Variants in WSCD2 observed in about 807,000 individuals in gnomAD.
WSCD2 encodes sialate:O-sulfotransferase 2.
Under a neutral mutation model 55.7 loss-of-function variants are expected in WSCD2, and 28 were observed. That is an observed-to-expected ratio of 0.50 (90% CI 0.37 to 0.69). WSCD2 has a LOEUF of 0.69. Ranked by LOEUF, WSCD2 falls within the 30% of genes least tolerant of loss-of-function variation. The pLI is 0.00. For synonymous variants in WSCD2, 301 were observed against 301.9 expected, an observed-to-expected ratio of 1.00 and a Z score of 0.03; for missense variants, 616 against 762.1, an observed-to-expected ratio of 0.81 and a Z score of 2.26.
rs111313963 is a variant in WSCD2 at position 108,240,575 on chromosome 12, G to A, written c.1345+31G>A. 3.6e-3 allele frequency: 5,477 copies of A among 1,542,632 alleles called. 62 individuals carry two copies. The highest frequency in any genetic ancestry group is 3.6e-3 in the Non-Finnish European group (4,037 of 1,129,462). ...GCTCGGGAGAGGAGGGGAGGGGAGG[G>A]GAGGGGCTTCGGGCTGCAGGGGGCG... On this transcript the variant is annotated intron_variant, in intron 8 of 8. Transcript: ENST00000547525.
At chr12:108,212,040 G>A (rs913889097) in intron 4 of WSCD2, among the ~76,000 whole-genome samples, 1 of 152,024 alleles carries the variant, frequency 6.6e-6, no homozygotes, top group Non-Finnish European at 1.5e-5. Context: ...TTGCAAACTG[G>A]CTGGTTTTTC....
chr12:108,182,925 T>C (rs1269734355), intron 1 of WSCD2, among the ~76,000 whole-genome samples: 1 of 152,000 alleles, frequency 6.6e-6, no homozygotes, highest in Non-Finnish European at 1.5e-5. Flanking sequence ...AACCTCACAA[T>C]AGGATCTTAT....
At chr12:108,141,148 G>A (rs1452548347) in intron 1 of WSCD2, among the ~76,000 whole-genome samples, 1 of 152,138 alleles carries the variant, frequency 6.6e-6, no homozygotes, top group Non-Finnish European at 1.5e-5. Context: ...TGAATTCCTG[G>A]GCTCAGGTGA....
chr12:108,224,704 A>G (rs1887888881), intron 4 of WSCD2, 35 bp from the exon 5 acceptor site: 1 of 1,599,892 alleles, frequency 6.3e-7, no homozygotes, highest in Non-Finnish European at 8.5e-7. Context: ...GACTCCTTGT[A>G]TATCTGACTA....
intron 3 of WSCD2, among the ~76,000 whole-genome samples, chr12:108,207,530 T>G (rs1239894652): frequency 7.6e-6 from 1 of 131,912 alleles, no homozygotes; most frequent in Non-Finnish European, 1.6e-5. Flanking sequence ...CCACCATGCC[T>G]GGCTTTTTTT....
chr12:108,146,853 C>T (rs1206578346), intron 1 of WSCD2, among the ~76,000 whole-genome samples: 1 of 152,206 alleles, frequency 6.6e-6, no homozygotes, highest in East Asian at 1.9e-4. Context: ...CAGGATGGAT[C>T]AGGGTTAGGG....
rs1450043623 is a variant in WSCD2 at position 108,249,768 on chromosome 12, A to G, written c.*1425A>G. On this transcript the variant is annotated 3_prime_UTR_variant, in exon 9 of 9. Coordinates refer to ENST00000547525, the MANE Select transcript of WSCD2 (RefSeq NM_014653.4). ...TTTTTGTAAGAGGAATATGATTAAT[A>G]CATTCCGCCCCTTGGAACCTGGCCA... is the stretch of plus-strand genomic sequence containing the variant. 6.6e-6 allele frequency: 1 copy of G among 152,648 alleles called. No individual in the cohort carries two copies. The highest frequency in any genetic ancestry group is 2.4e-5 in the African/African-American group (1 of 41,456). 9.5% of individuals were successfully genotyped at this position (152,648 alleles called of 1,614,324 possible).
At chr12:108,166,787 T>TTCTTTCTTTCTTTCTGTCTG (rs1180713499) in intron 1 of WSCD2, among the ~76,000 whole-genome samples, 1 of 146,140 alleles carries the variant, frequency 6.8e-6, no homozygotes, top group African/African-American at 2.6e-5. Flanking sequence ...CTTTCTTTCT[T>TTCTTTCTTTCTTTCTGTCTG]TCTGTCTTTC....
Position 108,240,480 on chromosome 12 carries a change from T to C in WSCD2, c.1281T>C (p.Ala427=). Residue 427 remains alanine (A), a synonymous_variant, in exon 8 of 9, where the codon GCT becomes GCC. Transcript: ENST00000547525. ...LIRNPYKALM[A]EFNRKYGGHI... The stretch of plus-strand genomic sequence containing the variant: ...GCAACCCCTACAAAGCCCTCATGGC[T>C]GAGTTCAACCGCAAGTACGGCGGCC... The C allele has an allele frequency of 6.2e-7, 1 of 1,613,728 alleles. No individual in the cohort carries two copies. Among genetic ancestry groups the C allele is most frequent in the Non-Finnish European group, 8.5e-7 (1 of 1,180,008 alleles).
At chr12:108,235,969 C>A (rs1177358443) in intron 7 of WSCD2, among the ~76,000 whole-genome samples, 1 of 152,172 alleles carries the variant, frequency 6.6e-6, no homozygotes, top group African/African-American at 2.4e-5. Flanking sequence ...CACCTTGCAG[C>A]TGAAAGATGC....
Position 108,232,750 on chromosome 12 carries a change from A to G in WSCD2, c.999A>G (p.Arg333=). The G allele has an allele frequency of 6.2e-7, 1 of 1,613,166 alleles. No individual in the cohort carries two copies. ...TTTCAGACAACCGTTGCATGGACAGAAGGTTCCTGCCAGGCAAGTCCAAGC... is the reference window on the plus strand; with the variant it reads ...TTTCAGACAACCGTTGCATGGACAGGAGGTTCCTGCCAGGCAAGTCCAAGC... ...TQVQDNRCMD[R]RFLPGKSKQL... Residue 333 remains arginine, a synonymous_variant, in exon 7 of 9, where the codon AGA becomes AGG. Transcript: ENST00000547525.
chr12:108,156,413 C>T (rs1447440916), intron 1 of WSCD2, among the ~76,000 whole-genome samples: 1 of 152,156 alleles, frequency 6.6e-6, no homozygotes, highest in Non-Finnish European at 1.5e-5. Flanking sequence ...AAAGAATATC[C>T]ATGTACTGGC....
intron 1 of WSCD2, among the ~76,000 whole-genome samples, chr12:108,134,114 G>T (rs577039728): frequency 2.0e-5 from 3 of 152,304 alleles, no homozygotes; most frequent in South Asian, 4.2e-4. Flanking sequence ...AAGAGCTGAT[G>T]AGGCAGAACC....
At chr12:108,133,319 CGT>C (rs1198376283) in intron 1 of WSCD2, among the ~76,000 whole-genome samples, 10 of 152,066 alleles carry the variant, frequency 6.6e-5, no homozygotes, top group African/African-American at 2.4e-4. Flanking sequence ...TTTTGTCTCA[CGT>C]ATGAGTGAAT....
At chr12:108,138,032 G>A (rs976072390) in intron 1 of WSCD2, among the ~76,000 whole-genome samples, 2 of 152,214 alleles carry the variant, frequency 1.3e-5, no homozygotes, top group African/African-American at 4.8e-5. Context: ...CTGTACATGA[G>A]CTACAACTGC....
At position 108,210,352 on chromosome 12, in the gene WSCD2, C is replaced by T. The variant is rs1406150135; in HGVS notation, c.682+47C>T. 2 of 1,519,780 alleles carry T rather than the reference C, an allele frequency of 1.3e-6. No individual in the cohort carries two copies. Among genetic ancestry groups the T allele is most frequent in the Non-Finnish European group, 1.8e-6 (2 of 1,138,254 alleles). The allele number at this position is 1,519,780 out of a possible 1,614,324, so 94.1% of individuals were successfully genotyped here. On this transcript the variant is annotated intron_variant, in intron 4 of 8. Transcript: ENST00000547525. This position sits in a 1 kb window ranked among gnomAD's most constrained non-coding sequence, Gnocchi z 4.3. ...CTCTCTGCTGCTCCTCCCTCAGCTG[C>T]AGCCCTTGCCCACCAAAGAGTCCCA...
At chr12:108,230,980 C>T (rs1452393738) in intron 6 of WSCD2, among the ~76,000 whole-genome samples, 2 of 152,052 alleles carry the variant, frequency 1.3e-5, no homozygotes, top group African/African-American at 4.8e-5. Flanking sequence ...GGAAGGGGCT[C>T]TTTCTAAACG....
intron 1 of WSCD2, among the ~76,000 whole-genome samples, chr12:108,157,367 C>T (rs1878628105): frequency 6.6e-6 from 1 of 152,178 alleles, no homozygotes; most frequent in East Asian, 1.9e-4. Context: ...TTGGAGTTCA[C>T]TCTGTGTTGC....
chr12:108,196,201 G>A lies in WSCD2; in HGVS notation c.369G>A (p.Lys123=), dbSNP rs779645145. 5 of 1,613,478 alleles carry A rather than the reference G, an allele frequency of 3.1e-6. No homozygotes were observed. The highest frequency in any genetic ancestry group is 3.4e-6 in the Non-Finnish European group (4 of 1,179,676). ...TCAAGGGGAGGGTTGTCCGGGAGAA[G>A]GAGGAAGAGCGAGGTAAGAGCGAGG... ...RALKGRVVRE[K]EEERAKYIGC... Residue 123 remains lysine (K), a synonymous_variant, in exon 2 of 9, where the codon AAG becomes AAA. Coordinates refer to ENST00000547525, the MANE Select transcript of WSCD2 (RefSeq NM_014653.4).
Sources: gnomAD v4.1 joint callset for allele counts (sites outside exome capture counted in the v4.1 genomes callset) on GRCh38, gnomAD v4.1.1 for gene constraint, Gnocchi (gnomAD v3.1) non-coding constraint, MANE v1.5 for transcripts, NCBI Gene and HGNC (gene_info 2026-07-23, HGNC 2026-07-21) for gene names.